The following PLEKHA5 variants were observed in gnomAD, a reference collection of about 807,000 sequenced individuals.
The protein encoded by PLEKHA5 is pleckstrin homology domain-containing family A member 5.
Under a neutral mutation model 181.9 loss-of-function variants are expected in PLEKHA5, and 55 were observed. That is an observed-to-expected ratio of 0.30 (90% CI 0.24 to 0.38). PLEKHA5 has a LOEUF of 0.38. Among genes scored for constraint, PLEKHA5 ranks in the 10% least tolerant of loss-of-function variants. The pLI is 1.00. For synonymous variants in PLEKHA5, 535 were observed against 529.4 expected, an observed-to-expected ratio of 1.01 and a Z score of -0.15; for missense variants, 1,432 against 1,549.5, an observed-to-expected ratio of 0.92 and a Z score of 1.27.
At chr12:19,220,919 G>A (rs985748783) in intron 3 of PLEKHA5, among the ~76,000 whole-genome samples, 1 of 152,060 alleles carries the variant, frequency 6.6e-6, no homozygotes, top group Non-Finnish European at 1.5e-5. Flanking sequence ...TGCTTAACAC[G>A]TTTGTCTGTA....
Position 19,236,596 on chromosome 12 carries a change from G to A in PLEKHA5, c.228-17344G>A, listed in dbSNP as rs74413415. On this transcript the variant is annotated intron_variant, in intron 3 of 31. Coordinates refer to ENST00000429027, the MANE Select transcript of PLEKHA5 (RefSeq NM_001256470.2). Reference sequence around the variant, plus strand: ...CTGTTTTTAGAGTCATTTTAGTTGGGGTGCTTACAGTTTAAACAAGAAATA... The same window carrying A: ...CTGTTTTTAGAGTCATTTTAGTTGGAGTGCTTACAGTTTAAACAAGAAATA... 2.5e-3 allele frequency among the ~76,000 whole-genome samples: 382 copies of A among 151,784 alleles called. 4 individuals carry two copies. Among genetic ancestry groups the A allele is most frequent in the Middle Eastern group, 0.01 (3 of 294 alleles).
At chr12:19,235,599 G>A (rs1473325129) in intron 3 of PLEKHA5, among the ~76,000 whole-genome samples, 1 of 152,134 alleles carries the variant, frequency 6.6e-6, no homozygotes, top group Non-Finnish European at 1.5e-5. Context: ...TTCTGAGTAA[G>A]GAAATGGAGT....
In PLEKHA5 at chr12:19,336,593, C is replaced by G. The variant is rs372602092; in HGVS notation, c.2527C>G (p.Leu843Val). 7.1e-5 allele frequency: 113 copies of G among 1,594,378 alleles called. No homozygotes were observed. The highest frequency in any genetic ancestry group is 9.3e-5 in the Non-Finnish European group (108 of 1,163,476). Residue 843 changes from leucine (L) to valine (V), a missense_variant, in exon 21 of 32, where the codon CTG becomes GTG. This residue lies in a region of PLEKHA5 where 1,143 missense variants were observed against 1,168.4 expected (regional missense o/e 0.98). Coordinates refer to ENST00000429027, the MANE Select transcript of PLEKHA5 (RefSeq NM_001256470.2). ...TVTRNQMQEQ[L>V]DHLGEVQTES... ...TACCAGGAACCAGATGCAAGAGCAGCTGGATCACCTTGGTGAAGTTCAGGT... is the reference window on the plus strand; with the variant it reads ...TACCAGGAACCAGATGCAAGAGCAGGTGGATCACCTTGGTGAAGTTCAGGT...
At chr12:19,203,614 C>T (rs1300416729) in intron 3 of PLEKHA5, among the ~76,000 whole-genome samples, 1 of 151,994 alleles carries the variant, frequency 6.6e-6, no homozygotes, top group Non-Finnish European at 1.5e-5. Context: ...AATTGCCTTC[C>T]TTCAAATGCT....
chr12:19,284,856 A>T (rs9300126), intron 12 of PLEKHA5, among the ~76,000 whole-genome samples: 5 of 151,994 alleles, frequency 3.3e-5, no homozygotes, highest in Non-Finnish European at 1.5e-5. Flanking sequence ...TCACTTGAAC[A>T]TGGAAGGTTG....
chr12:19,268,781 T>C (rs1242877822), intron 8 of PLEKHA5, among the ~76,000 whole-genome samples: 3 of 152,178 alleles, frequency 2.0e-5, no homozygotes, highest in Non-Finnish European at 2.9e-5. Context: ...ATATGGGCAG[T>C]GGTCTTTATT....
intron 3 of PLEKHA5, among the ~76,000 whole-genome samples, chr12:19,172,254 G>T (rs1364700461): frequency 6.6e-6 from 1 of 152,134 alleles, no homozygotes; most frequent in Non-Finnish European, 1.5e-5. Flanking sequence ...ATGATATTAT[G>T]ATGGCTACAA....
intron 13 of PLEKHA5, among the ~76,000 whole-genome samples, chr12:19,289,943 T>G (rs1473533147): frequency 6.6e-6 from 1 of 151,870 alleles, no homozygotes; most frequent in East Asian, 1.9e-4. Context: ...TTTATTTATT[T>G]TTTTATTTAT....
At chr12:19,177,126 A>G (rs2047489178) in intron 3 of PLEKHA5, among the ~76,000 whole-genome samples, 1 of 152,154 alleles carries the variant, frequency 6.6e-6, no homozygotes, top group African/African-American at 2.4e-5. Context: ...TTGGCCTCCC[A>G]AAGTACTGGA....
At chr12:19,211,808 C>A (rs577112571) in intron 3 of PLEKHA5, among the ~76,000 whole-genome samples, 2 of 152,200 alleles carry the variant, frequency 1.3e-5, no homozygotes, top group African/African-American at 4.8e-5. Context: ...AAAGCCGAAA[C>A]AGAGAACAAA....
At chr12:19,362,764 A>C (rs10743321) in intron 29 of PLEKHA5, among the ~76,000 whole-genome samples, 100,725 of 151,648 alleles carry the variant, frequency 0.66, 37,459 homozygotes, top group Non-Finnish European at 0.86. Flanking sequence ...TGTCTCAAAA[A>C]AATTTTAAAA....
At chr12:19,197,676 CTG>C (rs3056412) in intron 3 of PLEKHA5, among the ~76,000 whole-genome samples, 15,461 of 110,642 alleles carry the variant, frequency 0.14, 1,194 homozygotes, top group Non-Finnish European at 0.18. Context: ...CTATCCGGTG[CTG>C]TGTGTGTGTG....
intron 3 of PLEKHA5, among the ~76,000 whole-genome samples, chr12:19,233,952 C>T (rs1020075119): frequency 6.6e-6 from 1 of 152,224 alleles, no homozygotes; most frequent in African/African-American, 2.4e-5. Flanking sequence ...ACCTCAGCTT[C>T]TTTTCCTAAA....
intron 8 of PLEKHA5, among the ~76,000 whole-genome samples, chr12:19,268,380 A>G (rs1332477074): frequency 6.6e-6 from 1 of 152,230 alleles, no homozygotes. Flanking sequence ...AAATACTACA[A>G]TGTTAAAATA....
chr12:19,198,213 A>G (rs2053389080), intron 3 of PLEKHA5, among the ~76,000 whole-genome samples: 1 of 152,192 alleles, frequency 6.6e-6, no homozygotes, highest in East Asian at 1.9e-4. Flanking sequence ...AGCACTTAGA[A>G]TAAAATCCAA....
rs924397614 is a variant in PLEKHA5 at position 19,283,417 on chromosome 12, C to A, written c.1451C>A (p.Ser484Tyr). 1 of 1,613,976 alleles carries A rather than the reference C, an allele frequency of 6.2e-7. No homozygotes were observed. The highest frequency in any genetic ancestry group is 1.7e-5 in the Admixed American group (1 of 60,002). The change falls in exon 12 of 32, where the codon TCC becomes TAC. Residue 484 changes from serine (S) to tyrosine (Y), a missense_variant. Physicochemically the swap from Ser to Tyr is moderately radical, Grantham distance 144. This residue lies in a region of PLEKHA5 where 1,143 missense variants were observed against 1,168.4 expected (regional missense o/e 0.98). Coordinates refer to ENST00000429027, the MANE Select transcript of PLEKHA5 (RefSeq NM_001256470.2). ...GAAAGTATCTGCAGTGTAACCCCTT[C>A]CACTCATGACAAGACATTAGGACCC... ...RPESICSVTP[S>Y]THDKTLGPGA... is the part of the protein sequence containing the mutation.
At chr12:19,197,354 G>A (rs1653771183) in intron 3 of PLEKHA5, among the ~76,000 whole-genome samples, 1 of 152,084 alleles carries the variant, frequency 6.6e-6, no homozygotes, top group Middle Eastern at 3.2e-3. Context: ...AAAATGTTAT[G>A]TATTCCTGCC....
At chr12:19,312,263 A>G (rs1300576617) in intron 15 of PLEKHA5, among the ~76,000 whole-genome samples, 1 of 152,250 alleles carries the variant, frequency 6.6e-6, no homozygotes, top group African/African-American at 2.4e-5. Flanking sequence ...AATGAGCATC[A>G]GCTTCAGCTT....
chr12:19,182,813 C>A (rs755153102), intron 3 of PLEKHA5, among the ~76,000 whole-genome samples: 11 of 152,114 alleles, frequency 7.2e-5, no homozygotes, highest in Non-Finnish European at 1.6e-4. Flanking sequence ...CTGTCAAATG[C>A]CAGACTGAAT....
Sources: gnomAD v4.1 joint callset for allele counts (sites outside exome capture counted in the v4.1 genomes callset) on GRCh38, gnomAD v4.1.1 for gene constraint, gnomAD v4.1.1 regional missense constraint, MANE v1.5 for transcripts, NCBI Gene and HGNC (gene_info 2026-07-23, HGNC 2026-07-21) for gene names.